MGAT4C: variants seen among roughly 807,000 people sequenced by gnomAD.
MGAT4C encodes alpha-1,3-mannosyl-glycoprotein 4-beta-N-acetylglucosaminyltransferase C.
In MGAT4C, 19 loss-of-function variants were observed where a neutral mutation model predicts 40.1. That is an observed-to-expected ratio of 0.47 (90% CI 0.33 to 0.70). MGAT4C has a LOEUF of 0.70. MGAT4C is among the 30% of genes least tolerant of loss of function. The pLI, the probability that MGAT4C is intolerant of heterozygous loss-of-function variation, is 0.02. For missense variants in MGAT4C, 491 were observed against 563.2 expected (o/e 0.87, Z 1.30); for synonymous variants, 181 against 187.1 (o/e 0.97, Z 0.27).
chr12:86,182,051 T>G (rs1263110991), intron 1 of MGAT4C, among the ~76,000 whole-genome samples: 1 of 152,164 alleles, frequency 6.6e-6, no homozygotes, highest in Admixed American at 6.5e-5. Flanking sequence ...TATATTAAAA[T>G]ACTTTTCTAA....
chr12:86,705,093 C>T (rs1052023193), intron 2 of MGAT4C, among the ~76,000 whole-genome samples: 3 of 152,036 alleles, frequency 2.0e-5, no homozygotes, highest in African/African-American at 4.8e-5. Context: ...GTAAGCATTG[C>T]CTTTTCCAGA....
intron 1 of MGAT4C, among the ~76,000 whole-genome samples, chr12:86,121,309 T>C (rs969077055): frequency 2.0e-5 from 3 of 152,132 alleles, no homozygotes; most frequent in Non-Finnish European, 4.4e-5. Context: ...GGAACCAAGT[T>C]GGAAAACACT....
intron 1 of MGAT4C, among the ~76,000 whole-genome samples, chr12:86,207,548 A>T (rs1191429181): frequency 1.3e-5 from 2 of 149,526 alleles, no homozygotes; most frequent in African/African-American, 4.9e-5. Flanking sequence ...AGGTACAAAA[A>T]TACAATAACA....
intron 3 of MGAT4C, among the ~76,000 whole-genome samples, chr12:86,425,473 G>C (rs1297319960): frequency 1.3e-5 from 2 of 152,154 alleles, no homozygotes; most frequent in Non-Finnish European, 2.9e-5. Context: ...TGCCATAATT[G>C]TAAGTTTCCT....
intron 1 of MGAT4C, among the ~76,000 whole-genome samples, chr12:86,239,237 G>A (rs1001013882): frequency 6.6e-6 from 1 of 152,116 alleles, no homozygotes; most frequent in Admixed American, 6.6e-5. Flanking sequence ...ATCACTTTTG[G>A]ATGTCTCAAT....
intron 1 of MGAT4C, among the ~76,000 whole-genome samples, chr12:86,217,869 G>A (rs1178329913): frequency 6.6e-6 from 1 of 152,052 alleles, no homozygotes; most frequent in African/African-American, 2.4e-5. Context: ...TAAAATAATT[G>A]AAGTGATATA....
chr12:86,191,632 AACACACACAC>A (rs61626246), intron 1 of MGAT4C, among the ~76,000 whole-genome samples: 17 of 121,998 alleles, frequency 1.4e-4, no homozygotes, highest in South Asian at 3.4e-4. Flanking sequence ...CAAAAAACAA[AACACACACAC>A]ACACACACAC....
At chr12:86,576,179 T>C (rs1440666819) in intron 2 of MGAT4C, among the ~76,000 whole-genome samples, 1 of 152,008 alleles carries the variant, frequency 6.6e-6, no homozygotes, top group Non-Finnish European at 1.5e-5. Flanking sequence ...ATTGGATTAT[T>C]AGATTTTTTT....
At chr12:86,512,104 G>T (rs183345786) in intron 2 of MGAT4C, among the ~76,000 whole-genome samples, 34 of 151,942 alleles carry the variant, frequency 2.2e-4, no homozygotes, top group Non-Finnish European at 3.8e-4. Flanking sequence ...AAAGAAAGAG[G>T]AAAAGACTCC....
chr12:86,169,934 A>G (rs1038590003), intron 1 of MGAT4C, among the ~76,000 whole-genome samples: 1 of 152,226 alleles, frequency 6.6e-6, no homozygotes, highest in African/African-American at 2.4e-5. Flanking sequence ...TATTTCCCAT[A>G]TCAAAGGTTA....
rs1418191571 is a variant in MGAT4C, at chr12:86,108,189, G to T, written c.-56-58466C>A. On this transcript the variant is annotated intron_variant, in intron 1 of 4. Coordinates refer to ENST00000611864, the MANE Select transcript of MGAT4C (RefSeq NM_001351288.2). ...CTGAATTCTCAGCAATAATGAGATG[G>T]GAGGTCAGACAAGCCCCCTAATACC... 2.0e-5 allele frequency among the ~76,000 whole-genome samples: 3 copies of T among 152,068 alleles called. No individual in the cohort carries two copies. In the East Asian group the frequency reaches 5.8e-4, roughly 29 times the overall value.
At chr12:86,029,507 G>C (rs2136898887) in intron 2 of MGAT4C, among the ~76,000 whole-genome samples, 1 of 152,072 alleles carries the variant, frequency 6.6e-6, no homozygotes, top group African/African-American at 2.4e-5. Context: ...ACAAACTTCT[G>C]TTTCAGCTTC....
At chr12:86,808,153 A>T (rs1008011910) in intron 1 of MGAT4C, among the ~76,000 whole-genome samples, 6 of 152,088 alleles carry the variant, frequency 3.9e-5, no homozygotes, top group African/African-American at 1.4e-4. Flanking sequence ...CCAACCAAAT[A>T]AAAGACCAGA....
chr12:86,137,353 C>A (rs1209700988), intron 1 of MGAT4C, among the ~76,000 whole-genome samples: 2 of 152,158 alleles, frequency 1.3e-5, no homozygotes, highest in African/African-American at 2.4e-5. Context: ...ACTTTTGCAA[C>A]AGCTTCCCAT....
chr12:86,489,679 T>A (rs1475760429), intron 2 of MGAT4C, among the ~76,000 whole-genome samples: 2 of 152,154 alleles, frequency 1.3e-5, no homozygotes, highest in Non-Finnish European at 2.9e-5. Flanking sequence ...ACTTGTTTGC[T>A]CATACACTCC....
chr12:86,007,876 C>A (rs1485100663), intron 2 of MGAT4C, among the ~76,000 whole-genome samples: 2 of 151,814 alleles, frequency 1.3e-5, no homozygotes, highest in Non-Finnish European at 1.5e-5. Context: ...GTATAATAAC[C>A]ATCTTAAATT....
chr12:86,517,595 T>C (rs925911395), intron 2 of MGAT4C, among the ~76,000 whole-genome samples: 3 of 152,150 alleles, frequency 2.0e-5, no homozygotes, highest in African/African-American at 4.8e-5. Flanking sequence ...AAATAGGTTT[T>C]GAGAGCAGAG....
chr12:86,642,084 G>A (rs555784385), intron 2 of MGAT4C, among the ~76,000 whole-genome samples: 26 of 151,948 alleles, frequency 1.7e-4, no homozygotes, highest in Admixed American at 3.9e-4. Flanking sequence ...GAAAGAGAGT[G>A]TGTAGTTGTG....
At chr12:86,465,400 C>A (rs1727623557) in intron 2 of MGAT4C, among the ~76,000 whole-genome samples, 1 of 152,022 alleles carries the variant, frequency 6.6e-6, no homozygotes, top group Admixed American at 6.6e-5. Flanking sequence ...AATTAAAACT[C>A]CTGCTCTGCA....
Sources: allele counts gnomAD v4.1 joint callset (sites outside exome capture counted in the v4.1 genomes callset), GRCh38; gene constraint gnomAD v4.1.1; transcripts MANE v1.5; gene names NCBI Gene and HGNC (gene_info 2026-07-23, HGNC 2026-07-21).